KCNIP1: variants seen among roughly 807,000 people sequenced by gnomAD.
KCNIP1 encodes potassium voltage-gated channel interacting protein 1.
A neutral mutation model predicts 33.0 loss-of-function variants in KCNIP1; 18 were observed. The ratio of observed to expected loss-of-function variants is 0.55; its 90% confidence interval spans 0.38 to 0.81. The LOEUF (loss-of-function observed/expected upper bound fraction) is 0.81. Among genes scored for constraint, KCNIP1 ranks in the 30% least tolerant of loss-of-function variants. The pLI is 0.00. For synonymous variants in KCNIP1, 93 were observed against 98.3 expected (o/e 0.95, Z 0.32); for missense variants, 238 against 271.6 (o/e 0.88, Z 0.87).
rs1471811613 is a variant in KCNIP1 at position 170,721,829 on chromosome 5, G to C, written c.257-4G>C. 1.1e-5 allele frequency: 17 copies of C among 1,614,110 alleles called. No homozygotes were observed. The highest frequency in any genetic ancestry group is 1.4e-5 in the Non-Finnish European group (16 of 1,180,022). The stretch of plus-strand genomic sequence containing the variant: ...ATCACCTGCCCTCCTTTTCTGCCTT[G>C]TAGATGCCAGCACGTATGCCCATTA... On this transcript the variant is annotated splice_polypyrimidine_tract_variant and splice_region_variant and intron_variant, in intron 3 of 7. Transcript: ENST00000328939.
chr5:170,475,460 A>G (rs539735594), intron 1 of KCNIP1, among the ~76,000 whole-genome samples: 2 of 152,344 alleles, frequency 1.3e-5, no homozygotes, highest in East Asian at 3.9e-4. Flanking sequence ...CTCCTGCTGC[A>G]GACCCACTGA....
intron 1 of KCNIP1, among the ~76,000 whole-genome samples, chr5:170,402,426 C>G (rs370838914): frequency 1.3e-5 from 2 of 152,028 alleles, no homozygotes; most frequent in African/African-American, 2.4e-5. Context: ...ATTTCTAACT[C>G]GTGGGAAGTC....
chr5:170,581,305 G>C (rs1757787150), intron 1 of KCNIP1, among the ~76,000 whole-genome samples: 1 of 152,210 alleles, frequency 6.6e-6, no homozygotes, highest in Non-Finnish European at 1.5e-5. Flanking sequence ...AGTCAGGCTA[G>C]ACCCAGGACT....
chr5:170,580,214 G>A (rs1302862501), intron 1 of KCNIP1, among the ~76,000 whole-genome samples: 1 of 152,132 alleles, frequency 6.6e-6, no homozygotes, highest in East Asian at 1.9e-4. Flanking sequence ...TATCTTCAAA[G>A]GATAAAACTG....
At chr5:170,725,344 A>G (rs1246150936) in intron 5 of KCNIP1, among the ~76,000 whole-genome samples, 1 of 152,244 alleles carries the variant, frequency 6.6e-6, no homozygotes, top group Non-Finnish European at 1.5e-5. Context: ...CTTCTGCCAT[A>G]AAATAGAATG....
intron 1 of KCNIP1, among the ~76,000 whole-genome samples, chr5:170,365,137 G>T (rs1409658492): frequency 1.3e-5 from 2 of 152,064 alleles, no homozygotes; most frequent in African/African-American, 4.8e-5. Flanking sequence ...CTGGTGCAGG[G>T]CCTACCACAT....
intron 1 of KCNIP1, among the ~76,000 whole-genome samples, chr5:170,493,834 G>A (rs1457320358): frequency 6.6e-6 from 1 of 152,198 alleles, no homozygotes; most frequent in African/African-American, 2.4e-5. Context: ...CTCAGCTGGT[G>A]TGACCTCTTG....
intron 1 of KCNIP1, among the ~76,000 whole-genome samples, chr5:170,388,875 T>C (rs976514922): frequency 5.9e-5 from 9 of 152,212 alleles, no homozygotes; most frequent in African/African-American, 1.7e-4. Context: ...CAGTAAATAT[T>C]AGCTATTACT....
At chr5:170,589,444 G>T (rs971818658) in intron 1 of KCNIP1, among the ~76,000 whole-genome samples, 1 of 152,188 alleles carries the variant, frequency 6.6e-6, no homozygotes, top group African/African-American at 2.4e-5. Flanking sequence ...CACCTACTCA[G>T]TGCCAGGTAT....
At chr5:170,378,913 CCTT>C (rs1561593226) in intron 1 of KCNIP1, 8 of 1,614,218 alleles carry the variant, frequency 5.0e-6, no homozygotes, top group Non-Finnish European at 6.8e-6. Context: ...TTGGCTCTGA[CCTT>C]CTCCACGTCG....
chr5:170,476,619 G>A (rs993490125), intron 1 of KCNIP1, among the ~76,000 whole-genome samples: 3 of 152,140 alleles, frequency 2.0e-5, no homozygotes, highest in African/African-American at 7.2e-5. Flanking sequence ...CAAAGTTACG[G>A]TCTTGGGATA....
At chr5:170,595,394 G>A (rs1758409504) in intron 1 of KCNIP1, among the ~76,000 whole-genome samples, 1 of 152,244 alleles carries the variant, frequency 6.6e-6, no homozygotes, top group Non-Finnish European at 1.5e-5. Flanking sequence ...TCACATGCAT[G>A]TGTGGCTGGC....
intron 1 of KCNIP1, among the ~76,000 whole-genome samples, chr5:170,607,918 A>G (rs1207610002): frequency 6.6e-6 from 1 of 152,228 alleles, no homozygotes; most frequent in South Asian, 2.1e-4. Flanking sequence ...TGGCTTGCCA[A>G]TATTCTTGGA....
At chr5:170,476,658 G>T (rs763073664) in intron 1 of KCNIP1, among the ~76,000 whole-genome samples, 3 of 152,160 alleles carry the variant, frequency 2.0e-5, no homozygotes, top group African/African-American at 4.8e-5. Context: ...ATGGCTGCGG[G>T]CCTGAAATTT....
At chr5:170,628,520 A>G (rs1205348606) in intron 1 of KCNIP1, among the ~76,000 whole-genome samples, 1 of 152,122 alleles carries the variant, frequency 6.6e-6, no homozygotes, top group Non-Finnish European at 1.5e-5. Context: ...CCATAATCAT[A>G]TTGTGCCCTA....
intron 1 of KCNIP1, among the ~76,000 whole-genome samples, chr5:170,530,943 A>G (rs566886226): frequency 6.6e-4 from 101 of 152,266 alleles, no homozygotes; most frequent in African/African-American, 2.4e-3. Context: ...GGGCTCAAAC[A>G]TTGTTCTAGC....
intron 1 of KCNIP1, among the ~76,000 whole-genome samples, chr5:170,374,369 T>G (rs1391893383): frequency 2.6e-5 from 4 of 152,160 alleles, no homozygotes; most frequent in Admixed American, 1.3e-4. Context: ...ATCATAAAAG[T>G]GAAGTGAAAT....
At chr5:170,451,203 CA>C (rs1333137726) in intron 1 of KCNIP1, among the ~76,000 whole-genome samples, 8 of 152,172 alleles carry the variant, frequency 5.3e-5, no homozygotes, top group Non-Finnish European at 1.0e-4. Flanking sequence ...AAAACAAGAA[CA>C]TTGTCTAAAC....
At chr5:170,425,978 T>C (rs1006134287) in intron 1 of KCNIP1, among the ~76,000 whole-genome samples, 1 of 152,228 alleles carries the variant, frequency 6.6e-6, no homozygotes, top group Non-Finnish European at 1.5e-5. Context: ...CTCAGGCATT[T>C]TCTCAGCAGC....
Sources: allele counts gnomAD v4.1 joint callset (sites outside exome capture counted in the v4.1 genomes callset), GRCh38; gene constraint gnomAD v4.1.1; transcripts MANE v1.5; gene names NCBI Gene and HGNC (gene_info 2026-07-23, HGNC 2026-07-21).